Variants in OAT observed in about 807,000 individuals in gnomAD.
OAT encodes the protein ornithine aminotransferase, mitochondrial.
Under a neutral mutation model 48.4 loss-of-function variants are expected in OAT, and 35 were observed. That is an observed-to-expected ratio of 0.72 (90% CI 0.55 to 0.96). The LOEUF is 0.96. OAT is among the 40% of genes least tolerant of loss of function. The pLI is 0.00. For synonymous variants in OAT, 182 were observed against 198.4 expected (o/e 0.92, Z 0.70); for missense variants, 438 against 537.9 (o/e 0.81, Z 1.84).
At chr10:124,410,596 A>G (rs1013628762) in intron 2 of OAT, among the ~76,000 whole-genome samples, 1 of 152,158 alleles carries the variant, frequency 6.6e-6, no homozygotes, top group African/African-American at 2.4e-5. Context: ...ACTTGAGACC[A>G]GGAGTTCAAG....
chr10:124,408,284 A>T (rs1048075140), intron 4 of OAT, among the ~76,000 whole-genome samples: 76 of 81,276 alleles, frequency 9.4e-4, no homozygotes, highest in African/African-American at 2.6e-3. Context: ...AAAATATATA[A>T]GTGTGTGTGT....
intron 4 of OAT, chr10:124,406,887 G>A (rs1267833075): frequency 1.1e-6 from 1 of 881,722 alleles, no homozygotes; most frequent in African/African-American, 1.8e-5. Flanking sequence ...CTTTCTAGCA[G>A]GGAGAAAACA....
chr10:124,417,544 C>T (rs987523913), intron 1 of OAT, among the ~76,000 whole-genome samples: 1 of 152,110 alleles, frequency 6.6e-6, no homozygotes, highest in African/African-American at 2.4e-5. Flanking sequence ...CTGGGCCTCC[C>T]ATAATACTGG....
chr10:124,411,041 G>A (rs1951729996), intron 2 of OAT, among the ~76,000 whole-genome samples: 1 of 147,668 alleles, frequency 6.8e-6, no homozygotes, highest in African/African-American at 2.5e-5. Flanking sequence ...TCGGGAGGCT[G>A]AGGCAAGAGA....
chr10:124,411,970 T>TA lies in OAT; in HGVS notation c.199+2dup, dbSNP rs778961554. 3.1e-6 allele frequency: 5 copies of TA among 1,612,778 alleles called. No individual in the cohort carries two copies. On this transcript the variant is annotated splice_region_variant and intron_variant, in intron 2 of 9. Coordinates refer to ENST00000368845, the MANE Select transcript of OAT (RefSeq NM_000274.4). ...GGAAAAGACGGATTAATTTGAAACG[T>TA]ACCTTTTCCTCTCTCCAGGGCTACA...
chr10:124,401,710 C>T lies in OAT; in HGVS notation c.1014+16G>A, dbSNP rs765082000. On this transcript the variant is annotated intron_variant, in intron 8 of 9. Coordinates refer to ENST00000368845, the MANE Select transcript of OAT (RefSeq NM_000274.4). ...GCTTTAAAGAATAGACACTGTGTGGCTGTATCAGTCTTTACCTCAAGGGCT... is the reference window on the plus strand; with the variant it reads ...GCTTTAAAGAATAGACACTGTGTGGTTGTATCAGTCTTTACCTCAAGGGCT... 12 of 1,520,748 alleles carry T rather than the reference C, an allele frequency of 7.9e-6. No individual in the cohort carries two copies. Among genetic ancestry groups the T allele is most frequent in the Non-Finnish European group, 1.0e-5 (11 of 1,095,790 alleles). 94.2% of individuals were successfully genotyped at this position (1,520,748 alleles called of 1,614,324 possible). A position where few individuals can be genotyped will look rare whatever the true frequency, so the allele number is the denominator to read the frequency against.
At chr10:124,408,424 A>T in intron 4 of OAT, 118 bp downstream of exon 4, 2 of 793,786 alleles carry the variant, frequency 2.5e-6, no homozygotes, top group Non-Finnish European at 4.2e-6. Context: ...GGGCTCAAAG[A>T]CTCCTCCTGC....
rs1434705151 is a variant in OAT at position 124,412,068 on chromosome 10, T to C, written c.104A>G (p.Gln35Arg). The C allele has an allele frequency of 5.0e-6, 8 of 1,614,024 alleles. No individual in the cohort carries two copies. Among genetic ancestry groups the C allele is most frequent in the South Asian group, 2.2e-5 (2 of 91,084 alleles). The change falls in exon 2 of 10, where the codon CAA becomes CGA. Residue 35 changes from glutamine (Q) to arginine (R), a missense_variant. Transcript: ENST00000368845. The stretch of plus-strand genomic sequence containing the variant: ...AATGTCATCAGAGGTTGGAGGGCCT[T>C]GGACTGTTTTTTTAGTTGCAACAGA... ...ATSVATKKTV[Q>R]GPPTSDDIFE...
chr10:124,401,771 G>GT lies in OAT; in HGVS notation c.968dup (p.Tyr323Ter). 1 of 1,613,208 alleles carries GT rather than the reference G, an allele frequency of 6.2e-7. No individual in the cohort carries two copies. Among genetic ancestry groups the GT allele is most frequent in the Non-Finnish European group, 8.5e-7 (1 of 1,179,812 alleles). ...CTCGGCAGCCTAGTGGATTGCCACC[G>GT]TATGTGGACCCATGCTCCCCTGGCT... ...TIKPGEHGST[Y>*]GGNPLGCRVA... Residue 323 changes from tyrosine (Y) to a stop codon, truncating the protein, a stop_gained and frameshift_variant, in exon 8 of 10, where the codon TAC (tyrosine) becomes TAAC (stop). Coordinates refer to ENST00000368845, the MANE Select transcript of OAT (RefSeq NM_000274.4). LOFTEE classifies it high-confidence loss of function.
At chr10:124,402,319 A>G (rs968884695) in intron 7 of OAT, among the ~76,000 whole-genome samples, 5 of 152,222 alleles carry the variant, frequency 3.3e-5, no homozygotes, top group African/African-American at 1.2e-4. Context: ...GTACACTTCA[A>G]TGGCACAAAA....
At chr10:124,406,862 T>C (rs1042510069) in intron 4 of OAT, 1 of 503,176 alleles carries the variant, frequency 2.0e-6, no homozygotes, top group African/African-American at 2.1e-5. Flanking sequence ...AAGATCCCTA[T>C]CCTCAGGGAG....
intron 9 of OAT, among the ~76,000 whole-genome samples, chr10:124,399,548 T>A (rs1360260870): frequency 6.6e-6 from 1 of 151,920 alleles, no homozygotes; most frequent in Non-Finnish European, 1.5e-5. Context: ...GGTTTCACTG[T>A]GTTAGCCAGG....
At chr10:124,408,337 ATATATATTTTT>A (rs1280477874) in intron 4 of OAT, among the ~76,000 whole-genome samples, 194 bp downstream of exon 4, 51 of 103,494 alleles carry the variant, frequency 4.9e-4, no homozygotes, top group South Asian at 3.7e-3. Flanking sequence ...ATATATATAT[ATATATATTTTT>A]TTTTTTTTTT....
At chr10:124,418,279 G>C (rs1951982120) in intron 1 of OAT, 1 of 152,328 alleles carries the variant, frequency 6.6e-6, no homozygotes, top group African/African-American at 2.4e-5. Context: ...CAGGGCGCAG[G>C]AGCAGGCCGG....
At chr10:124,417,254 A>G (rs1951946017) in intron 1 of OAT, among the ~76,000 whole-genome samples, 2 of 146,440 alleles carry the variant, frequency 1.4e-5, no homozygotes, top group South Asian at 4.4e-4. Flanking sequence ...CTTAAACACC[A>G]TGAAAAACTG....
In OAT at chr10:124,408,343, A is replaced by AT. The variant is rs146556713; in HGVS notation, c.520+198dup. On this transcript the variant is annotated intron_variant, in intron 4 of 9. Transcript: ENST00000368845. ...TATATATATATATATATATATATAT[A>AT]TTTTTTTTTTTTTTTTTTAAATAGA... Among the ~76,000 whole-genome samples, 359 of 83,716 alleles carry AT rather than the reference A, an allele frequency of 4.3e-3. 1 individual carries two copies. The highest frequency in any genetic ancestry group is 0.014 in the East Asian group (31 of 2,250). The allele number at this position is 83,716 out of a possible 152,430, so 54.9% of individuals were successfully genotyped here.
chr10:124,405,942 G>C (rs906573388), intron 4 of OAT: 82 of 1,138,716 alleles, frequency 7.2e-5, no homozygotes, highest in Admixed American at 4.6e-4. Context: ...ATAGTGATAT[G>C]AGAAAGAATA....
intron 4 of OAT, among the ~76,000 whole-genome samples, chr10:124,406,539 G>A (rs1951582831): frequency 6.6e-6 from 1 of 151,336 alleles, no homozygotes; most frequent in Admixed American, 6.6e-5. Context: ...GGGGAAGCCG[G>A]GTGCAGTGGC....
At chr10:124,414,970 TA>T (rs1372442216) in intron 1 of OAT, 1 of 148,394 alleles carries the variant, frequency 6.7e-6, no homozygotes, top group Non-Finnish European at 1.5e-5. Flanking sequence ...ATCTGGTACT[TA>T]GGAGACTAAG....
Sources: allele counts gnomAD v4.1 joint callset (sites outside exome capture counted in the v4.1 genomes callset), GRCh38; gene constraint gnomAD v4.1.1; transcripts MANE v1.5; gene names NCBI Gene and HGNC (gene_info 2026-07-23, HGNC 2026-07-21).